The following HERC1 variants were observed in gnomAD, a reference collection of about 807,000 sequenced individuals.
HERC1 encodes HECT and RLD domain containing E3 ubiquitin protein ligase family member 1.
A neutral mutation model predicts 554.3 loss-of-function variants in HERC1; 160 were observed. The ratio of observed to expected loss-of-function variants is 0.29; its 90% CI spans 0.25 to 0.33. The LOEUF (loss-of-function observed/expected upper bound fraction) is 0.33, where lower values mean the gene tolerates loss of function less well. Ranked by LOEUF, HERC1 falls within the 10% of genes least tolerant of loss-of-function variation. The pLI, the probability that HERC1 is intolerant of heterozygous loss-of-function variation, is 1.00. For missense variants in HERC1, 4,919 were observed against 5,918.5 expected (o/e 0.83, Z 5.54); for synonymous variants, 2,175 against 2,131.7 (o/e 1.02, Z -0.56).
chr15:63,763,282 C>T (rs1042875097), intron 3 of HERC1, among the ~76,000 whole-genome samples: 9 of 152,146 alleles, frequency 5.9e-5, no homozygotes, highest in Non-Finnish European at 8.8e-5. Context: ...TTAATATAGT[C>T]ATTAAGCATC....
intron 60 of HERC1, 75 bp downstream of exon 60, chr15:63,641,388 TTAAGGGA>T (rs1357297494): frequency 7.4e-6 from 9 of 1,215,830 alleles, no homozygotes; most frequent in Non-Finnish European, 1.0e-5. Context: ...CCTCATGCTT[TTAAGGGA>T]TAAGTTCAAG....
intron 1 of HERC1, among the ~76,000 whole-genome samples, chr15:63,824,637 T>G (rs1262977548): frequency 3.3e-5 from 5 of 152,108 alleles, no homozygotes; most frequent in Non-Finnish European, 4.4e-5. Flanking sequence ...GAGAGAGAGC[T>G]GCACTCCCAT....
rs967652914 is a variant in HERC1, at chr15:63,708,281, T to C, written c.4585-1450A>G. ...AATCTGGTTCTCTTGAACAATTTTG[T>C]TTTTTATCTTTTAGACACTGTGAAT... On this transcript the variant is annotated intron_variant, in intron 24 of 77. Transcript: ENST00000443617. Among the ~76,000 whole-genome samples, 3 of 152,154 alleles carry C rather than the reference T, an allele frequency of 2.0e-5. No homozygotes were observed. The East Asian group carries it at 5.8e-4, about 29-fold the overall frequency.
chr15:63,743,118 T>G (rs1330106482), intron 12 of HERC1, among the ~76,000 whole-genome samples: 1 of 152,140 alleles, frequency 6.6e-6, no homozygotes, highest in African/African-American at 2.4e-5. Flanking sequence ...GGGCTTTTCT[T>G]CATGAGATTT....
intron 1 of HERC1, among the ~76,000 whole-genome samples, chr15:63,833,402 G>A (rs976170554): frequency 2.6e-5 from 4 of 152,146 alleles, no homozygotes; most frequent in African/African-American, 9.7e-5. Flanking sequence ...AGAGGGAGTC[G>A]GCCGCCGCCC....
chr15:63,770,476 T>C (rs1413462350), intron 2 of HERC1, among the ~76,000 whole-genome samples: 3 of 152,202 alleles, frequency 2.0e-5, no homozygotes, highest in Admixed American at 2.0e-4. Context: ...TGCCTAGCAG[T>C]ATCTGGCACA....
Position 63,680,031 on chromosome 15 carries a change from A to G in HERC1, c.6549+46T>C, listed in dbSNP as rs1276892767. ...TTATAAACTCTATCTGATGCTAAAC[A>G]ATAAAATAACAAATATTCTTAAATA... On this transcript the variant is annotated intron_variant, in intron 36 of 77. Transcript: ENST00000443617. The surrounding 1 kb of genome is among the most constrained non-coding windows in gnomAD (Gnocchi z 5.8). 7.4e-7 allele frequency: 1 copy of G among 1,343,838 alleles called. No individual in the cohort carries two copies. Among genetic ancestry groups the G allele is most frequent in the Admixed American group, 1.8e-5 (1 of 55,648 alleles). 83.2% of individuals were successfully genotyped at this position (1,343,838 alleles called of 1,614,324 possible).
At chr15:63,687,276 A>C (rs1326067565) in intron 33 of HERC1, among the ~76,000 whole-genome samples, 4 of 152,148 alleles carry the variant, frequency 2.6e-5, no homozygotes, top group African/African-American at 9.7e-5. Context: ...GTGGTGGCTC[A>C]CACTTGTAAT....
chr15:63,788,606 A>T (rs1429479807), intron 1 of HERC1, among the ~76,000 whole-genome samples: 3 of 152,224 alleles, frequency 2.0e-5, no homozygotes, highest in Non-Finnish European at 4.4e-5. Context: ...ATCTATAATT[A>T]ATAAAAATCT....
intron 1 of HERC1, among the ~76,000 whole-genome samples, chr15:63,805,496 A>G (rs2077110563): frequency 6.6e-6 from 1 of 152,236 alleles, no homozygotes; most frequent in Non-Finnish European, 1.5e-5. Flanking sequence ...GGAGAAGATT[A>G]CAGCCAAGAC....
chr15:63,795,719 G>A (rs763821068), intron 1 of HERC1, among the ~76,000 whole-genome samples: 2 of 152,202 alleles, frequency 1.3e-5, no homozygotes, highest in African/African-American at 4.8e-5. Context: ...TCTGCCACGA[G>A]AGTACACCGA....
At chr15:63,709,162 TA>T (rs1412857278) in intron 24 of HERC1, among the ~76,000 whole-genome samples, 1 of 150,900 alleles carries the variant, frequency 6.6e-6, no homozygotes, top group Non-Finnish European at 1.5e-5. Context: ...AATATATATA[TA>T]TATTTTTTAT....
chr15:63,767,299 G>A (rs1159178934), intron 2 of HERC1, among the ~76,000 whole-genome samples: 1 of 151,918 alleles, frequency 6.6e-6, no homozygotes, highest in Non-Finnish European at 1.5e-5. Context: ...CACCGCGCCT[G>A]GCCTATAGGT....
intron 34 of HERC1, among the ~76,000 whole-genome samples, chr15:63,681,568 T>C (rs1465825212): frequency 1.3e-5 from 2 of 151,846 alleles, no homozygotes; most frequent in Non-Finnish European, 2.9e-5. Context: ...ATTTGACTGG[T>C]AAAGTTTCTT....
At chr15:63,821,726 C>CAAAAAAAAAAAAAAAAAAAAA (rs35074987) in intron 1 of HERC1, among the ~76,000 whole-genome samples, 12 of 62,468 alleles carry the variant, frequency 1.9e-4, no homozygotes, top group African/African-American at 8.4e-4. Flanking sequence ...TACCCTGTCT[C>CAAAAAAAAAAAAAAAAAAAAA]AAAAAAAAAA....
chr15:63,642,371 T>G (rs2069111036), intron 59 of HERC1, among the ~76,000 whole-genome samples: 1 of 152,180 alleles, frequency 6.6e-6, no homozygotes, highest in Non-Finnish European at 1.5e-5. Flanking sequence ...GGGCTCTCAC[T>G]CTGTCACCCA....
intron 12 of HERC1, among the ~76,000 whole-genome samples, chr15:63,743,261 T>TCC (rs1331194045): frequency 1.0e-5 from 1 of 98,580 alleles, no homozygotes; most frequent in Non-Finnish European, 2.2e-5. Context: ...TTTTTTCTTT[T>TCC]TCTTTTTTTT....
chr15:63,776,122 G>T (rs976586542), intron 1 of HERC1, among the ~76,000 whole-genome samples: 1 of 151,690 alleles, frequency 6.6e-6, no homozygotes, highest in Non-Finnish European at 1.5e-5. Context: ...CATTATCTGT[G>T]TAACAGTGGG....
intron 1 of HERC1, among the ~76,000 whole-genome samples, chr15:63,799,664 T>C (rs1315881293): frequency 6.6e-6 from 1 of 151,938 alleles, no homozygotes; most frequent in Non-Finnish European, 1.5e-5. Flanking sequence ...AAGAAAAATA[T>C]AGAATTTGAG....
Sources: allele counts gnomAD v4.1 joint callset (sites outside exome capture counted in the v4.1 genomes callset), GRCh38; gene constraint gnomAD v4.1.1; non-coding constraint Gnocchi (gnomAD v3.1); transcripts MANE v1.5; gene names NCBI Gene and HGNC (gene_info 2026-07-23, HGNC 2026-07-21).